PPTC7: variants seen among roughly 807,000 people sequenced by gnomAD.
PPTC7 encodes protein phosphatase targeting COQ7.
PPTC7 carries 6 observed loss-of-function variants against 30.8 expected under a neutral mutation model. The observed-to-expected ratio is 0.19, with a 90% confidence interval of 0.11 to 0.38. The LOEUF (loss-of-function observed/expected upper bound fraction) is 0.38, where lower values mean the gene tolerates loss of function less well. Among genes scored for constraint, PPTC7 ranks in the 10% least tolerant of loss-of-function variants. The pLI, the probability that PPTC7 is intolerant of heterozygous loss-of-function variation, is 1.00. For missense variants in PPTC7, 218 were observed against 404.8 expected (o/e 0.54, Z 3.96); for synonymous variants, 163 against 168.1 (o/e 0.97, Z 0.23).
intron 4 of PPTC7, 131 bp downstream of exon 4, chr12:110,539,691 T>A: frequency 1.2e-6 from 1 of 820,372 alleles, no homozygotes; most frequent in Non-Finnish European, 1.9e-6. Context: ...AGACCAGAGC[T>A]ATTATTATTT....
At chr12:110,555,459 T>G (rs2064378599) in intron 1 of PPTC7, among the ~76,000 whole-genome samples, 1 of 152,238 alleles carries the variant, frequency 6.6e-6, no homozygotes, top group African/African-American at 2.4e-5. Flanking sequence ...CCCATCTCTC[T>G]ACTTTGATAT....
chr12:110,540,321 C>CT (rs11369595), intron 3 of PPTC7, among the ~76,000 whole-genome samples: 59,327 of 105,188 alleles, frequency 0.56, 19,073 homozygotes, highest in East Asian at 0.89. Flanking sequence ...CCCCCCCCGC[C>CT]TTTTTTTTTT....
intron 1 of PPTC7, among the ~76,000 whole-genome samples, chr12:110,566,282 C>T (rs1046376412): frequency 1.3e-5 from 2 of 152,174 alleles, no homozygotes; most frequent in Non-Finnish European, 2.9e-5. Flanking sequence ...AAAGCAATAG[C>T]TAATAACTAA....
chr12:110,557,955 C>A (rs938350766), intron 1 of PPTC7, among the ~76,000 whole-genome samples: 1 of 152,114 alleles, frequency 6.6e-6, no homozygotes, highest in Non-Finnish European at 1.5e-5. Context: ...ATCACAATAG[C>A]AGCATGAGGG....
intron 3 of PPTC7, among the ~76,000 whole-genome samples, chr12:110,543,030 T>C (rs1055344130): frequency 9.9e-5 from 15 of 152,082 alleles, no homozygotes; most frequent in Non-Finnish European, 1.9e-4. Context: ...TAATCTGTAA[T>C]TAAGGAACAA....
At position 110,534,490 on chromosome 12, in the gene PPTC7, A is replaced by C. The variant is rs371898440; in HGVS notation, c.*2547T>G. 2 of 152,046 alleles carry C rather than the reference A, an allele frequency of 1.3e-5. No individual in the cohort carries two copies. The highest frequency in any genetic ancestry group is 2.9e-5 in the Non-Finnish European group (2 of 68,020). The allele number at this position is 152,046 out of a possible 1,614,324, so 9.4% of individuals were successfully genotyped here. A position where few individuals can be genotyped will look rare whatever the true frequency, so the allele number is the denominator to read the frequency against. Reference sequence around the variant, plus strand: ...AAGTGGTACAGCACAGTAACAACCCATGGAAGCTTGGGTCTGTGACCTGGA... The same window carrying C: ...AAGTGGTACAGCACAGTAACAACCCCTGGAAGCTTGGGTCTGTGACCTGGA... On this transcript the variant is annotated 3_prime_UTR_variant, in exon 6 of 6. Transcript: ENST00000354300.
chr12:110,569,664 GGAAA>G, intron 1 of PPTC7, among the ~76,000 whole-genome samples: 1 of 152,080 alleles, frequency 6.6e-6, no homozygotes, highest in Non-Finnish European at 1.5e-5. Flanking sequence ...CATTCACTTA[GGAAA>G]AGAAAACAAA....
At chr12:110,578,566 AT>A (rs1183313512) in intron 1 of PPTC7, among the ~76,000 whole-genome samples, 6 of 152,202 alleles carry the variant, frequency 3.9e-5, no homozygotes, top group Non-Finnish European at 8.8e-5. Context: ...GGACAGATCA[AT>A]TTTAAATTAA....
At chr12:110,549,397 A>T (rs897577483) in intron 2 of PPTC7, among the ~76,000 whole-genome samples, 1 of 151,908 alleles carries the variant, frequency 6.6e-6, no homozygotes, top group Non-Finnish European at 1.5e-5. Context: ...TTACCTAACT[A>T]ACTTATCTGG....
intron 5 of PPTC7, among the ~76,000 whole-genome samples, chr12:110,537,537 A>G (rs767754753): frequency 4.6e-5 from 7 of 152,250 alleles, no homozygotes; most frequent in Non-Finnish European, 7.3e-5. Flanking sequence ...TGGAGGACTA[A>G]GAAATGTTTC....
At chr12:110,567,596 C>G (rs944918352) in intron 1 of PPTC7, among the ~76,000 whole-genome samples, 1 of 152,216 alleles carries the variant, frequency 6.6e-6, no homozygotes, top group Non-Finnish European at 1.5e-5. Flanking sequence ...TACCATGAGT[C>G]TGAAGCTCAA....
At chr12:110,571,215 TAA>T (rs1187421493) in intron 1 of PPTC7, among the ~76,000 whole-genome samples, 5 of 151,922 alleles carry the variant, frequency 3.3e-5, no homozygotes, top group African/African-American at 9.7e-5. Flanking sequence ...AAAATTCTTT[TAA>T]AAAGAGGGGG....
At chr12:110,575,485 T>C (rs189103291) in intron 1 of PPTC7, among the ~76,000 whole-genome samples, 1 of 151,990 alleles carries the variant, frequency 6.6e-6, no homozygotes, top group African/African-American at 2.4e-5. Context: ...GCTTCTGGTG[T>C]CACACACTAG....
Position 110,533,375 on chromosome 12 carries a change from AT to A in PPTC7, c.*3661del, listed in dbSNP as rs1213490227. 3.9e-5 allele frequency: 6 copies of A among 152,204 alleles called. No homozygotes were observed. Among genetic ancestry groups the A allele is most frequent in the African/African-American group, 1.4e-4 (6 of 41,444 alleles). The allele number at this position is 152,204 out of a possible 1,614,324, so 9.4% of individuals were successfully genotyped here. A position where few individuals can be genotyped will look rare whatever the true frequency, so the allele number is the denominator to read the frequency against. The stretch of plus-strand genomic sequence containing the variant: ...TGCCTCTTGGGTAATAAGACAAATA[AT>A]GATAGTCTCAACAGAAAAAAAGCAG... On this transcript the variant is annotated 3_prime_UTR_variant, in exon 6 of 6. Coordinates refer to ENST00000354300, the MANE Select transcript of PPTC7 (RefSeq NM_139283.2).
In PPTC7 at chr12:110,538,160, A is replaced by T; in HGVS notation, c.840T>A (p.Asn280Lys). 6.2e-7 allele frequency: 1 copy of T among 1,614,080 alleles called. No individual in the cohort carries two copies. Among genetic ancestry groups the T allele is most frequent in the Non-Finnish European group, 8.5e-7 (1 of 1,179,980 alleles). The change falls in exon 5 of 6, where the codon AAT becomes AAA. Residue 280 changes from asparagine (N) to lysine (K), a missense_variant. Coordinates refer to ENST00000354300, the MANE Select transcript of PPTC7 (RefSeq NM_139283.2). ...MSPFAQFACDNGLNVRGGKPD... is the reference protein window; with the variant it reads ...MSPFAQFACDKGLNVRGGKPD... Reference sequence around the variant, plus strand: ...AATGCTTACCTCTCACATTCAATCCATTGTCACATGCAAACTGTGCAAAAG... The same window carrying T: ...AATGCTTACCTCTCACATTCAATCCTTTGTCACATGCAAACTGTGCAAAAG...
intron 1 of PPTC7, among the ~76,000 whole-genome samples, chr12:110,562,401 C>CTTTT: frequency 6.6e-6 from 1 of 150,626 alleles, no homozygotes; most frequent in Admixed American, 6.7e-5. Context: ...ATGTCATGTG[C>CTTTT]TTTTTGACTA....
rs373933533 is a variant in PPTC7 at position 110,574,978 on chromosome 12, TG to T, written c.223+7830del. On this transcript the variant is annotated intron_variant, in intron 1 of 5. Transcript: ENST00000354300. ...TTTTTTTTTAAACTTTTAGTGGAGA[TG>T]GGGTTTCGTCATATTGGCCAGGCTG... Among the ~76,000 whole-genome samples, 583 of 147,466 alleles carry T rather than the reference TG, an allele frequency of 4.0e-3. 2 individuals are homozygous for T. The highest frequency in any genetic ancestry group is 5.8e-3 in the Non-Finnish European group (393 of 67,184).
intron 1 of PPTC7, among the ~76,000 whole-genome samples, chr12:110,582,309 G>A (rs557044075): frequency 6.6e-6 from 1 of 152,218 alleles, no homozygotes; most frequent in South Asian, 2.1e-4. Context: ...CATCCAGGCG[G>A]CGAAAGAATA....
chr12:110,580,560 G>A (rs541539205), intron 1 of PPTC7, among the ~76,000 whole-genome samples: 32 of 152,074 alleles, frequency 2.1e-4, no homozygotes, highest in East Asian at 1.2e-3. Flanking sequence ...GGCTGGTCTC[G>A]AACTCCTAAC....
Sources: allele counts gnomAD v4.1 joint callset (sites outside exome capture counted in the v4.1 genomes callset), GRCh38; gene constraint gnomAD v4.1.1; transcripts MANE v1.5; gene names NCBI Gene and HGNC (gene_info 2026-07-23, HGNC 2026-07-21).